The following ASIC2 variants were observed in gnomAD, a reference collection of about 807,000 sequenced individuals.
ASIC2 encodes acid sensing ion channel subunit 2.
In ASIC2, 25 loss-of-function variants were observed where a neutral mutation model predicts 57.3. The ratio of observed to expected loss-of-function variants is 0.44; its 90% CI spans 0.32 to 0.61. The LOEUF (loss-of-function observed/expected upper bound fraction) is 0.61. ASIC2 is among the 20% of genes least tolerant of loss of function. The pLI, the probability that ASIC2 is intolerant of heterozygous loss-of-function variation, is 0.06. For synonymous variants in ASIC2, 319 were observed against 307.5 expected, an observed-to-expected ratio of 1.04 and a Z score of -0.39; for missense variants, 641 against 738.1, an observed-to-expected ratio of 0.87 and a Z score of 1.52.
rs578111600 is a variant in ASIC2, at chr17:34,099,717, A to G, written c.555+56261T>C. Among the ~76,000 whole-genome samples, 9 of 142,700 alleles carry G rather than the reference A, an allele frequency of 6.3e-5. No homozygotes were observed. In the South Asian group the frequency reaches 9.0e-4, roughly 14 times the overall value. The allele number at this position is 142,700 out of a possible 152,430, so 93.6% of individuals were successfully genotyped here. A position where few individuals can be genotyped will look rare whatever the true frequency, so the allele number is the denominator to read the frequency against. ...AAGAAAGAAAGGAAAAAAGAAAGAA[A>G]GAAAGAAGGAAAGAAGGAAAGAAAG... On this transcript the variant is annotated intron_variant, in intron 1 of 9. Coordinates refer to the ASIC2 transcript ENST00000359872.
intron 1 of ASIC2, among the ~76,000 whole-genome samples, chr17:33,974,571 T>C (rs979974248): frequency 2.0e-5 from 3 of 151,880 alleles, no homozygotes; most frequent in South Asian, 2.1e-4. Context: ...GACACTGACC[T>C]GAATTGAGTG....
intron 1 of ASIC2, among the ~76,000 whole-genome samples, chr17:33,924,743 A>C (rs1915788586): frequency 6.6e-6 from 1 of 152,066 alleles, no homozygotes; most frequent in African/African-American, 2.4e-5. Flanking sequence ...TGCTTGGACA[A>C]AGCTGCCTGC....
At chr17:33,594,641 A>C (rs778656045) in intron 1 of ASIC2, among the ~76,000 whole-genome samples, 6 of 151,916 alleles carry the variant, frequency 3.9e-5, no homozygotes, top group African/African-American at 7.3e-5. Context: ...ATCCTGGCTA[A>C]CACGGTGAAA....
intron 1 of ASIC2, among the ~76,000 whole-genome samples, chr17:34,113,687 GAAC>G (rs1206359240): frequency 4.6e-5 from 7 of 151,482 alleles, no homozygotes; most frequent in Non-Finnish European, 1.0e-4. Flanking sequence ...AGCACAGCTT[GAAC>G]AACAAAGTGA....
At chr17:33,436,801 C>T (rs9913929) in intron 1 of ASIC2, among the ~76,000 whole-genome samples, 110,256 of 149,742 alleles carry the variant, frequency 0.74, 41,059 homozygotes, top group Middle Eastern at 0.79. Flanking sequence ...GCTGGGTGAT[C>T]ACAATAGCAA....
intron 2 of ASIC2, among the ~76,000 whole-genome samples, chr17:33,105,243 G>A (rs1234732932): frequency 6.6e-6 from 1 of 152,188 alleles, no homozygotes; most frequent in African/African-American, 2.4e-5. Context: ...CCCAGTGGGA[G>A]GCAACTGAAT....
intron 3 of ASIC2, among the ~76,000 whole-genome samples, chr17:33,062,213 G>A (rs1361012281): frequency 1.3e-5 from 2 of 152,122 alleles, no homozygotes; most frequent in African/African-American, 2.4e-5. Context: ...GCTTTTGAAT[G>A]TGTTTGCTCT....
At chr17:33,785,627 G>A (rs145221613) in intron 1 of ASIC2, among the ~76,000 whole-genome samples, 3 of 152,178 alleles carry the variant, frequency 2.0e-5, no homozygotes, top group African/African-American at 7.2e-5. Flanking sequence ...TAATCTTTTT[G>A]TGAATCACAG....
At chr17:34,106,058 CCA>C (rs758769668) in intron 1 of ASIC2, among the ~76,000 whole-genome samples, 15 of 151,958 alleles carry the variant, frequency 9.9e-5, no homozygotes, top group Non-Finnish European at 1.9e-4. Flanking sequence ...TCGAATGTTT[CCA>C]CAGTCTTTCC....
chr17:34,017,024 G>A (rs1340063375), intron 1 of ASIC2, among the ~76,000 whole-genome samples: 4 of 152,184 alleles, frequency 2.6e-5, no homozygotes, highest in East Asian at 1.9e-4. Flanking sequence ...TTTCATCACA[G>A]GCATACCTTA....
intron 1 of ASIC2, among the ~76,000 whole-genome samples, chr17:33,218,208 G>A (rs773916144): frequency 1.2e-4 from 19 of 152,318 alleles, no homozygotes; most frequent in Middle Eastern, 3.4e-3. Flanking sequence ...CGGCTGCCTC[G>A]GAGGGAAGTT....
chr17:33,672,595 A>G (rs1196877810), intron 1 of ASIC2, among the ~76,000 whole-genome samples: 1 of 152,124 alleles, frequency 6.6e-6, no homozygotes, highest in Non-Finnish European at 1.5e-5. Flanking sequence ...ATTAGGATGG[A>G]CTTGGCCCTA....
chr17:33,508,391 C>A (rs193300102), intron 1 of ASIC2, among the ~76,000 whole-genome samples: 265 of 152,274 alleles, frequency 1.7e-3, no homozygotes, highest in Non-Finnish European at 2.3e-3. Flanking sequence ...TCTGCCTTGA[C>A]ACTGTGTGGG....
In ASIC2 at chr17:33,038,765, C is replaced by T. The variant is rs1185346568; in HGVS notation, c.988-10373G>A. Among the ~76,000 whole-genome samples, 3 of 152,182 alleles carry T rather than the reference C, an allele frequency of 2.0e-5. 1 individual carries two copies. Among genetic ancestry groups the T allele is most frequent in the East Asian group, 3.9e-4 (2 of 5,192 alleles). ...TTTGTAGAGAGAAGCTGATGTTTGCCCTTAACCTGCCTGGGGACATCCTTA... is the reference window on the plus strand; with the variant it reads ...TTTGTAGAGAGAAGCTGATGTTTGCTCTTAACCTGCCTGGGGACATCCTTA... On this transcript the variant is annotated intron_variant, in intron 3 of 9. Transcript: ENST00000225823.
intron 1 of ASIC2, among the ~76,000 whole-genome samples, chr17:33,856,028 A>G (rs1416473500): frequency 1.3e-5 from 2 of 152,150 alleles, no homozygotes; most frequent in Non-Finnish European, 2.9e-5. Context: ...GGGAGAGAGA[A>G]AGGGAGGGAG....
rs140700581 is a variant in ASIC2 at position 33,768,290 on chromosome 17, G to A, written c.555+387688C>T. Among the ~76,000 whole-genome samples, 1,455 of 152,268 alleles carry A rather than the reference G, an allele frequency of 9.6e-3. 14 individuals carry two copies. The highest frequency in any genetic ancestry group is 0.015 in the Non-Finnish European group (1,011 of 68,022). On this transcript the variant is annotated intron_variant, in intron 1 of 9. Transcript: ENST00000359872. ...CAAAGTGCTGGGATCACAGACGTGAGCCACCAAGCCCAGCCCATATACATT... is the reference window on the plus strand; with the variant it reads ...CAAAGTGCTGGGATCACAGACGTGAACCACCAAGCCCAGCCCATATACATT...
At chr17:33,704,341 A>C (rs867234195) in intron 1 of ASIC2, among the ~76,000 whole-genome samples, 3 of 152,184 alleles carry the variant, frequency 2.0e-5, no homozygotes, top group South Asian at 2.1e-4. Flanking sequence ...GTGTGCACTC[A>C]GAGAGCCATC....
At chr17:33,922,816 GCCA>G (rs1265485265) in intron 1 of ASIC2, among the ~76,000 whole-genome samples, 4 of 152,112 alleles carry the variant, frequency 2.6e-5, no homozygotes, top group Non-Finnish European at 5.9e-5. Flanking sequence ...ACCTTGATAT[GCCA>G]CCATCTCACG....
At chr17:34,086,736 GTATA>G (rs1910125500) in intron 1 of ASIC2, among the ~76,000 whole-genome samples, 1 of 152,054 alleles carries the variant, frequency 6.6e-6, no homozygotes, top group South Asian at 2.1e-4. Flanking sequence ...TATTGGGTGC[GTATA>G]TATTTAGGAT....
Sources: allele counts gnomAD v4.1 joint callset (sites outside exome capture counted in the v4.1 genomes callset), GRCh38; gene constraint gnomAD v4.1.1; transcripts MANE v1.5; gene names NCBI Gene and HGNC (gene_info 2026-07-23, HGNC 2026-07-21).